DHRSX: variants seen among roughly 807,000 people sequenced by gnomAD.
DHRSX encodes polyprenol dehydrogenase.
DHRSX carries 31 observed loss-of-function variants against 34.0 expected under a neutral mutation model. The ratio of observed to expected loss-of-function variants is 0.91; its 90% CI spans 0.69 to 1.23. DHRSX has a LOEUF of 1.23. DHRSX is among the 50% of genes most tolerant of loss of function. DHRSX has a pLI of 0.00. For missense variants in DHRSX, 414 were observed against 428.1 expected, an observed-to-expected ratio of 0.97 and a Z score of 0.29; for synonymous variants, 201 against 183.8, an observed-to-expected ratio of 1.09 and a Z score of -0.76.
intron 4 of DHRSX, among the ~76,000 whole-genome samples, chrX:2,276,122 G>A (rs1394544899): frequency 1.3e-5 from 2 of 152,206 alleles, no homozygotes; most frequent in Admixed American, 1.3e-4. Context: ...GATTACAGGC[G>A]TGGGCCATCG....
At position 2,411,698 on chromosome X, in the gene DHRSX, G is replaced by C. The variant is rs764766051; in HGVS notation, c.218-2885C>G. Among the ~76,000 whole-genome samples, 7 of 151,976 alleles carry C rather than the reference G, an allele frequency of 4.6e-5. No individual in the cohort carries two copies. In the South Asian group the frequency reaches 1.5e-3, roughly 32 times the overall value. ...GATGAGATTGCGCCACTGCACTCCA[G>C]CCTGGGCAACACAGCGAGACTCCAT... On this transcript the variant is annotated intron_variant, in intron 2 of 6. Transcript: ENST00000334651.
intron 3 of DHRSX, among the ~76,000 whole-genome samples, chrX:2,403,883 C>G (rs1317057841): frequency 1.3e-5 from 2 of 150,922 alleles, no homozygotes; most frequent in African/African-American, 4.9e-5. Flanking sequence ...AATTATTGGT[C>G]AAAATTCATG....
intron 2 of DHRSX, among the ~76,000 whole-genome samples, chrX:2,419,674 T>G (rs1278155287): frequency 6.6e-6 from 1 of 151,754 alleles, no homozygotes; most frequent in Non-Finnish European, 1.5e-5. Context: ...CGTAGGGACA[T>G]GGATGAAGCT....
intron 1 of DHRSX, among the ~76,000 whole-genome samples, chrX:2,472,818 T>G (rs181155840): frequency 2.2e-4 from 34 of 152,108 alleles, no homozygotes; most frequent in African/African-American, 7.2e-4. Context: ...TTGGGAATAT[T>G]TTACTGAATT....
Position 2,466,726 on chromosome X carries a change from C to T in DHRSX, c.109+34091G>A, listed in dbSNP as rs191309275. On this transcript the variant is annotated intron_variant, in intron 1 of 6. Coordinates refer to ENST00000334651, the MANE Select transcript of DHRSX (RefSeq NM_145177.3). ...ATGATGAAATAATCTGTTCACTAAG[C>T]CCCCAAGACATGCAATTTACCTGCG... Among the ~76,000 whole-genome samples the T allele has an allele frequency of 3.0e-3, 453 of 152,076 alleles. 3 individuals carry two copies. The highest frequency in any genetic ancestry group is 0.01 in the Middle Eastern group (3 of 294).
chrX:2,425,572 A>G (rs1317068), intron 1 of DHRSX, among the ~76,000 whole-genome samples: 51,892 of 152,026 alleles, frequency 0.34, 10,573 homozygotes, highest in East Asian at 0.75. Context: ...ATATGCCGTC[A>G]GTGTGACCGG....
intron 1 of DHRSX, among the ~76,000 whole-genome samples, chrX:2,467,619 G>T (rs1038826983): frequency 7.4e-6 from 1 of 135,192 alleles, no homozygotes; most frequent in African/African-American, 3.1e-5. Context: ...ATGGAAGGTG[G>T]AAGACTCATG....
intron 3 of DHRSX, among the ~76,000 whole-genome samples, chrX:2,326,858 C>G (rs2042393265): frequency 6.7e-6 from 1 of 149,964 alleles, no homozygotes; most frequent in Non-Finnish European, 1.5e-5. Context: ...GTTGCCCAAG[C>G]TGGAGTATAA....
chrX:2,479,742 G>T (rs2044740969), intron 1 of DHRSX, among the ~76,000 whole-genome samples: 1 of 152,028 alleles, frequency 6.6e-6, no homozygotes, highest in South Asian at 2.1e-4. Context: ...TGTACACACT[G>T]AAGACGTTCT....
At chrX:2,355,694 C>T (rs771192905) in intron 3 of DHRSX, among the ~76,000 whole-genome samples, 4 of 151,726 alleles carry the variant, frequency 2.6e-5, no homozygotes, top group Admixed American at 2.6e-4. Flanking sequence ...AGAAGGGTGC[C>T]GGAAACGAGT....
intron 3 of DHRSX, among the ~76,000 whole-genome samples, chrX:2,327,196 G>A (rs183939880): frequency 2.0e-5 from 3 of 152,182 alleles, no homozygotes; most frequent in African/African-American, 7.2e-5. Flanking sequence ...TTCCATCAAG[G>A]TTCCAAGCAG....
chrX:2,325,021 G>A (rs1469259847), intron 3 of DHRSX, among the ~76,000 whole-genome samples: 1 of 149,816 alleles, frequency 6.7e-6, no homozygotes, highest in Non-Finnish European at 1.5e-5. Flanking sequence ...TGATCCACCC[G>A]CCTCAGCCTC....
chrX:2,253,402 A>G (rs1373958924), intron 5 of DHRSX, among the ~76,000 whole-genome samples: 13 of 121,132 alleles, frequency 1.1e-4, no homozygotes, highest in Admixed American at 6.5e-4. Context: ...ACGGCACTCC[A>G]GCCTAGGAGG....
At chrX:2,426,047 G>A (rs909961855) in intron 1 of DHRSX, among the ~76,000 whole-genome samples, 19 of 152,106 alleles carry the variant, frequency 1.2e-4, no homozygotes, top group African/African-American at 4.1e-4. Context: ...GAGATGGCTG[G>A]GGGGTGGATT....
At chrX:2,244,757 G>T (rs765496944) in intron 5 of DHRSX, among the ~76,000 whole-genome samples, 1 of 151,884 alleles carries the variant, frequency 6.6e-6, no homozygotes, top group Admixed American at 6.6e-5. Context: ...TGTCAACCCA[G>T]CTGGAGTACA....
intron 5 of DHRSX, among the ~76,000 whole-genome samples, chrX:2,252,650 AAG>A (rs2016459750): frequency 6.6e-6 from 1 of 152,098 alleles, no homozygotes; most frequent in African/African-American, 2.4e-5. Context: ...TAGCGTGGAG[AAG>A]AGAGAACTAA....
intron 4 of DHRSX, among the ~76,000 whole-genome samples, chrX:2,268,756 A>G (rs1404655859): frequency 1.3e-5 from 2 of 152,188 alleles, no homozygotes; most frequent in Non-Finnish European, 2.9e-5. Flanking sequence ...ATATGTTTCT[A>G]TTTGGAATTG....
At chrX:2,296,332 G>A (rs1012380360) in intron 3 of DHRSX, among the ~76,000 whole-genome samples, 1 of 152,124 alleles carries the variant, frequency 6.6e-6, no homozygotes, top group Non-Finnish European at 1.5e-5. Flanking sequence ...GCCAGCTTCT[G>A]CCCCAGAGGG....
At chrX:2,479,964 G>A (rs1392770784) in intron 1 of DHRSX, among the ~76,000 whole-genome samples, 5 of 152,290 alleles carry the variant, frequency 3.3e-5, no homozygotes, top group South Asian at 4.1e-4. Flanking sequence ...ACGGGCCTGC[G>A]AAACACCAAA....
Sources: allele counts gnomAD v4.1 joint callset (sites outside exome capture counted in the v4.1 genomes callset), GRCh38; gene constraint gnomAD v4.1.1; transcripts MANE v1.5; gene names NCBI Gene and HGNC (gene_info 2026-07-23, HGNC 2026-07-21).